The following MICU1 variants were observed in gnomAD, a reference collection of about 807,000 sequenced individuals.
MICU1 encodes the protein calcium uptake protein 1, mitochondrial.
A neutral mutation model predicts 56.8 loss-of-function variants in MICU1; 45 were observed. The ratio of observed to expected loss-of-function variants is 0.79; its 90% CI spans 0.62 to 1.02. The LOEUF (loss-of-function observed/expected upper bound fraction) is 1.02. MICU1 is among the 50% of genes least tolerant of loss of function. The pLI is 0.00. For synonymous variants in MICU1, 186 were observed against 195.1 expected, an observed-to-expected ratio of 0.95 and a Z score of 0.39; for missense variants, 504 against 587.1, an observed-to-expected ratio of 0.86 and a Z score of 1.46.
At chr10:72,558,912 T>C (rs1448973806) in intron 3 of MICU1, among the ~76,000 whole-genome samples, 2 of 152,196 alleles carry the variant, frequency 1.3e-5, no homozygotes, top group Non-Finnish European at 2.9e-5. Context: ...TCCTGGCTAA[T>C]AGGGCTGAGG....
chr10:72,483,725 CA>C, intron 6 of MICU1: 1 of 159,672 alleles, frequency 6.3e-6, no homozygotes, highest in Non-Finnish European at 1.4e-5. Flanking sequence ...TATATTTAGG[CA>C]AAGAAGGCCA....
Position 72,441,615 on chromosome 10 carries a change from C to CTTTTT in MICU1, c.934-18249_934-18245dup, listed in dbSNP as rs71018287. Reference sequence around the variant, plus strand: ...ATTTATTCACTTATTTTTAATTTTTCTTTTTTTTTTTTTTTTTTTGAGGCA... The same window carrying CTTTTT: ...ATTTATTCACTTATTTTTAATTTTTCTTTTTTTTTTTTTTTTTTTTTTTTGAGGCA... On this transcript the variant is annotated intron_variant, in intron 8 of 11. Transcript: ENST00000361114. Among the ~76,000 whole-genome samples the CTTTTT allele has an allele frequency of 6.6e-3, 693 of 105,462 alleles. 8 individuals carry two copies. Among genetic ancestry groups the CTTTTT allele is most frequent in the Non-Finnish European group, 0.01 (570 of 55,704 alleles). 69.2% of individuals were successfully genotyped at this position (105,462 alleles called of 152,430 possible).
intron 5 of MICU1, chr10:72,509,417 C>A: frequency 7.5e-7 from 1 of 1,327,590 alleles, no homozygotes; most frequent in East Asian, 4.7e-5. Flanking sequence ...GTGGAGATCC[C>A]ATCATAAACC....
intron 9 of MICU1, 141 bp from the exon 10 acceptor site, chr10:72,408,178 T>C: frequency 1.7e-6 from 1 of 578,024 alleles, no homozygotes; most frequent in East Asian, 2.9e-5. Context: ...TCAAGGAATA[T>C]CAAATTCATA....
intron 1 of MICU1, among the ~76,000 whole-genome samples, chr10:72,567,236 C>A (rs1312124699): frequency 6.6e-6 from 1 of 152,140 alleles, no homozygotes; most frequent in Non-Finnish European, 1.5e-5. Context: ...CCCAGCTATT[C>A]AGGGGGCTGA....
intron 5 of MICU1, among the ~76,000 whole-genome samples, chr10:72,512,107 G>GTTT (rs869183579): frequency 3.7e-4 from 11 of 29,518 alleles, no homozygotes; most frequent in African/African-American, 8.4e-4. Context: ...GTTGTTTTTT[G>GTTT]TTTTTTTTTT....
At chr10:72,470,805 C>A (rs576746192) in intron 8 of MICU1, among the ~76,000 whole-genome samples, 2 of 152,140 alleles carry the variant, frequency 1.3e-5, no homozygotes, top group Non-Finnish European at 2.9e-5. Flanking sequence ...TTACAGAACA[C>A]TTACTACATG....
intron 8 of MICU1, among the ~76,000 whole-genome samples, chr10:72,431,659 G>A (rs1864536086): frequency 6.6e-6 from 1 of 152,156 alleles, no homozygotes; most frequent in Non-Finnish European, 1.5e-5. Context: ...TATCAGCTAT[G>A]TATAAGAGTG....
chr10:72,480,261 C>T (rs1323631388), intron 6 of MICU1, among the ~76,000 whole-genome samples: 1 of 152,184 alleles, frequency 6.6e-6, no homozygotes, highest in Non-Finnish European at 1.5e-5. Context: ...GCATGACTGG[C>T]TTAGACTACT....
In MICU1 at chr10:72,469,634, C is replaced by A. The variant is rs574225781; in HGVS notation, c.933+5466G>T. 2.0e-4 allele frequency among the ~76,000 whole-genome samples: 30 copies of A among 152,298 alleles called. No individual in the cohort carries two copies. The East Asian group carries it at 5.4e-3, about 27-fold the overall frequency. ...ATATGCCTGTTGCCATACTAGGTGG[C>A]AGTGGGTATAAATGGGAAGGTGAAC... On this transcript the variant is annotated intron_variant, in intron 8 of 11. Coordinates refer to ENST00000361114, the MANE Select transcript of MICU1 (RefSeq NM_001195518.2).
chr10:72,381,963 TACAC>T (rs10535513), intron 10 of MICU1, among the ~76,000 whole-genome samples: 5,580 of 138,342 alleles, frequency 0.04, 144 homozygotes, highest in African/African-American at 0.058. Context: ...TATATATCTA[TACAC>T]ACACACACAC....
At chr10:72,624,187 G>A (rs756510111) in intron 1 of MICU1, among the ~76,000 whole-genome samples, 10 of 151,984 alleles carry the variant, frequency 6.6e-5, no homozygotes, top group Non-Finnish European at 1.3e-4. Flanking sequence ...ATTTCATATC[G>A]TTTTATTCTT....
chr10:72,456,591 A>T (rs1301947533), intron 8 of MICU1, among the ~76,000 whole-genome samples: 2 of 152,236 alleles, frequency 1.3e-5, no homozygotes, highest in Admixed American at 1.3e-4. Flanking sequence ...AGAGACAGCC[A>T]GAATTACCCA....
At chr10:72,512,791 T>C (rs1306764839) in intron 5 of MICU1, among the ~76,000 whole-genome samples, 1 of 152,076 alleles carries the variant, frequency 6.6e-6, no homozygotes, top group African/African-American at 2.4e-5. Context: ...CCTTGACCTC[T>C]GGGGCTCAGC....
intron 4 of MICU1, among the ~76,000 whole-genome samples, chr10:72,537,783 C>T (rs1337301921): frequency 6.6e-6 from 1 of 152,078 alleles, no homozygotes; most frequent in Non-Finnish European, 1.5e-5. Flanking sequence ...TGTAAAGGTA[C>T]ACACATACTG....
intron 1 of MICU1, among the ~76,000 whole-genome samples, chr10:72,569,070 A>C (rs1247274596): frequency 6.6e-6 from 1 of 150,528 alleles, no homozygotes; most frequent in African/African-American, 2.4e-5. Context: ...TTCTTATTCA[A>C]CAAAAATTTA....
intron 8 of MICU1, among the ~76,000 whole-genome samples, chr10:72,447,541 C>T (rs1245396371): frequency 6.6e-6 from 1 of 151,814 alleles, no homozygotes; most frequent in Non-Finnish European, 1.5e-5. Context: ...CCTAGGTAAG[C>T]AATTATATGT....
At chr10:72,574,355 T>A (rs1469674495) in intron 1 of MICU1, among the ~76,000 whole-genome samples, 3 of 151,852 alleles carry the variant, frequency 2.0e-5, no homozygotes, top group Admixed American at 1.3e-4. Flanking sequence ...CATGGTGAAA[T>A]CCCATCTCTC....
At position 72,576,210 on chromosome 10, in the gene MICU1, G is replaced by A. The variant is rs527293772; in HGVS notation, c.-1-9416C>T. ...GCCTGGGCAACACAAGTCAAACTCC[G>A]TCTCAAAAAAACACCAAAAAAAAAA... On this transcript the variant is annotated intron_variant, in intron 1 of 11. Transcript: ENST00000361114. Among the ~76,000 whole-genome samples, 136 of 97,850 alleles carry A rather than the reference G, an allele frequency of 1.4e-3. 3 individuals carry two copies. The Middle Eastern group carries it at 0.075, about 54-fold the overall frequency. 64.2% of individuals were successfully genotyped at this position (97,850 alleles called of 152,430 possible).
Sources: allele counts gnomAD v4.1 joint callset (sites outside exome capture counted in the v4.1 genomes callset), GRCh38; gene constraint gnomAD v4.1.1; transcripts MANE v1.5; gene names NCBI Gene and HGNC (gene_info 2026-07-23, HGNC 2026-07-21).